UMODL1: variants seen among roughly 807,000 people sequenced by gnomAD.
UMODL1 encodes the protein uromodulin-like 1.
UMODL1 carries 128 observed loss-of-function variants against 136.3 expected under a neutral mutation model. The ratio of observed to expected loss-of-function variants is 0.94; its 90% CI spans 0.81 to 1.09. The LOEUF is 1.09. UMODL1 is among the 50% of genes least tolerant of loss of function. The pLI, the probability that UMODL1 is intolerant of heterozygous loss-of-function variation, is 0.00. For synonymous variants in UMODL1, 721 were observed against 720.0 expected (o/e 1.00, Z -0.02); for missense variants, 1,766 against 1,725.6 (o/e 1.02, Z -0.41).
At chr21:42,073,571 G>T (rs1225672107) in intron 1 of UMODL1, among the ~76,000 whole-genome samples, 1 of 152,158 alleles carries the variant, frequency 6.6e-6, no homozygotes, top group Non-Finnish European at 1.5e-5. Flanking sequence ...GCAAGTGTGT[G>T]GTCCAGCACC....
At chr21:42,100,366 G>A (rs1026170966) in intron 7 of UMODL1, among the ~76,000 whole-genome samples, 2 of 152,078 alleles carry the variant, frequency 1.3e-5, no homozygotes, top group Non-Finnish European at 2.9e-5. Flanking sequence ...AATGAATGGC[G>A]GAATGAGCGA....
rs954746596 is a variant in UMODL1, at chr21:42,080,008, T to C, written c.319+3761T>C. ...GCACAGCCCACGAGGCTTCTGCAAC[T>C]CCTGCCGCTGGAGGGCCTGTATCCC... On this transcript the variant is annotated intron_variant, in intron 2 of 22. Transcript: ENST00000408910. Among the ~76,000 whole-genome samples, 5 of 152,330 alleles carry C rather than the reference T, an allele frequency of 3.3e-5. No individual in the cohort carries two copies. The East Asian group carries it at 5.8e-4, about 18-fold the overall frequency.
chr21:42,072,098 G>A (rs1361120501), intron 1 of UMODL1, among the ~76,000 whole-genome samples: 2 of 152,104 alleles, frequency 1.3e-5, no homozygotes, highest in Admixed American at 1.3e-4. Context: ...AAAAAAGAAA[G>A]GGAGACCCAG....
chr21:42,091,321 G>A (rs558548652), intron 6 of UMODL1, among the ~76,000 whole-genome samples: 1 of 152,332 alleles, frequency 6.6e-6, no homozygotes, highest in Admixed American at 6.5e-5. Flanking sequence ...CTAGCATCGC[G>A]GGATCAGCCT....
intron 20 of UMODL1, 85 bp downstream of exon 20, chr21:42,127,916 G>C (rs2067083399): frequency 1.3e-6 from 2 of 1,578,124 alleles, no homozygotes; most frequent in Non-Finnish European, 1.7e-6. Flanking sequence ...TAAAAACCTA[G>C]GGCTCGAGTG....
At chr21:42,095,448 C>T (rs1435560694) in intron 6 of UMODL1, among the ~76,000 whole-genome samples, 1 of 150,820 alleles carries the variant, frequency 6.6e-6, no homozygotes, top group Non-Finnish European at 1.5e-5. Flanking sequence ...CAGCTTCATA[C>T]CGCCTTCTCC....
rs755707657 is a variant in UMODL1 at position 42,088,450 on chromosome 21, G to T, written c.760G>T (p.Val254Phe). ...STLLGDIAKR[V>F]YEVISVQVQD... ...CCTGCTGGGTGACATTGCGAAGCGT[G>T]TCTATGAAGTGATCAGCGTCCAGGT... Residue 254 changes from valine (V) to phenylalanine (F), a missense_variant, in exon 5 of 23, where the codon GTC becomes TTC. Val to Phe is a conservative substitution (Grantham distance 50, BLOSUM62 -1). Coordinates refer to ENST00000408910, the MANE Select transcript of UMODL1 (RefSeq NM_001004416.3). The T allele has an allele frequency of 3.1e-6, 5 of 1,607,650 alleles. No individual in the cohort carries two copies. The highest frequency in any genetic ancestry group is 1.7e-6 in the Non-Finnish European group (2 of 1,174,578).
At chr21:42,065,237 G>A (rs1177253490) in intron 1 of UMODL1, among the ~76,000 whole-genome samples, 1 of 152,162 alleles carries the variant, frequency 6.6e-6, no homozygotes, top group Non-Finnish European at 1.5e-5. Flanking sequence ...TCACTTATTT[G>A]GAACCCTCCA....
chr21:42,117,727 CT>C (rs899124120), intron 14 of UMODL1, among the ~76,000 whole-genome samples: 1 of 152,210 alleles, frequency 6.6e-6, no homozygotes, highest in African/African-American at 2.4e-5. Flanking sequence ...TTCCCTGCTC[CT>C]GGTTTGTGCA....
chr21:42,095,049 C>CTTGGCTTGT (rs2066537547), intron 6 of UMODL1, among the ~76,000 whole-genome samples: 1 of 146,558 alleles, frequency 6.8e-6, no homozygotes, highest in African/African-American at 2.5e-5. Flanking sequence ...GCCGGCATTC[C>CTTGGCTTGT]TTGGCTTGTG....
chr21:42,096,808 TA>T lies in UMODL1; in HGVS notation c.932-2111del, dbSNP rs774407580. On this transcript the variant is annotated intron_variant, in intron 6 of 22. Transcript: ENST00000408910. ...CACACCATCCTCCACCAACGTGGATTAAAAAAATGCTTGGGGCTGTGTCCTG... is the reference window on the plus strand; with the variant it reads ...CACACCATCCTCCACCAACGTGGATTAAAAAATGCTTGGGGCTGTGTCCTG... 2.0e-5 allele frequency among the ~76,000 whole-genome samples: 3 copies of T among 152,302 alleles called. No individual in the cohort carries two copies. The South Asian group carries it at 6.2e-4, about 32-fold the overall frequency.
At chr21:42,072,333 T>G (rs2066241297) in intron 1 of UMODL1, among the ~76,000 whole-genome samples, 1 of 152,264 alleles carries the variant, frequency 6.6e-6, no homozygotes, top group Non-Finnish European at 1.5e-5. Flanking sequence ...GTTACAAATT[T>G]AAAGGAATCC....
chr21:42,068,851 G>A (rs1297894973), upstream of UMODL1, among the ~76,000 whole-genome samples: 3 of 152,212 alleles, frequency 2.0e-5, no homozygotes, highest in African/African-American at 4.8e-5. This position sits in a 1 kb window ranked among gnomAD's most constrained non-coding sequence, Gnocchi z 5.5. Flanking sequence ...TGCCCAGTGT[G>A]AGCGCATGTA....
At chr21:42,108,758 C>T (rs962515424) in intron 9 of UMODL1, among the ~76,000 whole-genome samples, 3 of 137,486 alleles carry the variant, frequency 2.2e-5, no homozygotes, top group Non-Finnish European at 3.1e-5. Context: ...GCGGGCCCCC[C>T]GGTGACATGA....
intron 4 of UMODL1, 68 bp from the exon 5 acceptor site, chr21:42,088,226 C>T (rs2066448073): frequency 6.5e-7 from 1 of 1,541,262 alleles, no homozygotes; most frequent in Non-Finnish European, 8.8e-7. Flanking sequence ...GCTCTGCGGG[C>T]CTCAGTCTCC....
chr21:42,070,244 A>G (rs984180953), upstream of UMODL1, among the ~76,000 whole-genome samples: 5 of 152,348 alleles, frequency 3.3e-5, no homozygotes, highest in Admixed American at 3.3e-4. Flanking sequence ...AATCTTTGTT[A>G]ATTCATCTGA....
At chr21:42,119,425 A>G (rs2066941895) in intron 15 of UMODL1, 101 bp downstream of exon 15, 4 of 1,044,682 alleles carry the variant, frequency 3.8e-6, no homozygotes, top group East Asian at 2.4e-5. Context: ...TGTTGTGCCC[A>G]TGTGGTCCTT....
chr21:42,080,208 G>A (rs1447814023), intron 2 of UMODL1, among the ~76,000 whole-genome samples: 2 of 152,230 alleles, frequency 1.3e-5, no homozygotes, highest in African/African-American at 2.4e-5. Context: ...CCTTGGAGCT[G>A]GATGTGAGAT....
chr21:42,104,120 G>T, intron 9 of UMODL1, 33 bp downstream of exon 9: 1 of 1,581,396 alleles, frequency 6.3e-7, no homozygotes. Flanking sequence ...GCTGCCTGGT[G>T]TCCTCCAGCT....
Sources: gnomAD v4.1 joint callset for allele counts (sites outside exome capture counted in the v4.1 genomes callset) on GRCh38, gnomAD v4.1.1 for gene constraint, Gnocchi (gnomAD v3.1) non-coding constraint, MANE v1.5 for transcripts, NCBI Gene and HGNC (gene_info 2026-07-23, HGNC 2026-07-21) for gene names.